The following RUNX1T1 variants were observed in gnomAD, a reference collection of about 807,000 sequenced individuals.
RUNX1T1 encodes the protein protein CBFA2T1.
A neutral mutation model predicts 62.8 loss-of-function variants in RUNX1T1; 4 were observed. The observed-to-expected ratio is 0.06, with a 90% confidence interval of 0.03 to 0.15. The LOEUF is 0.15. RUNX1T1 is among the 10% of genes least tolerant of loss of function. The pLI, the probability that RUNX1T1 is intolerant of heterozygous loss-of-function variation, is 1.00. For synonymous variants in RUNX1T1, 291 were observed against 286.0 expected, an observed-to-expected ratio of 1.02 and a Z score of -0.18; for missense variants, 508 against 754.3, an observed-to-expected ratio of 0.67 and a Z score of 3.82.
chr8:92,014,188 T>C (rs1822533838), intron 3 of RUNX1T1, among the ~76,000 whole-genome samples: 1 of 151,936 alleles, frequency 6.6e-6, no homozygotes, highest in Admixed American at 6.6e-5. Context: ...TTAGATTGAG[T>C]GACTCAACAT....
intron 1 of RUNX1T1, among the ~76,000 whole-genome samples, chr8:92,048,159 C>G (rs954050772): frequency 6.6e-6 from 1 of 152,126 alleles, no homozygotes; most frequent in East Asian, 1.9e-4. Context: ...TAAATGTAAA[C>G]ATTTACAACT....
At chr8:92,014,858 T>TA in intron 2 of RUNX1T1, 38 bp from the exon 4 acceptor site, 2 of 1,562,096 alleles carry the variant, frequency 1.3e-6, no homozygotes, top group South Asian at 2.4e-5. Flanking sequence ...GTCATAAACT[T>TA]ACAGAGAACA....
chr8:92,010,805 C>A, intron 4 of RUNX1T1, 197 bp downstream of exon 5: 1 of 454,358 alleles, frequency 2.2e-6, no homozygotes, highest in Non-Finnish European at 3.9e-6. Flanking sequence ...AACTTTACTT[C>A]TTTTCAGGTA....
intron 1 of RUNX1T1, among the ~76,000 whole-genome samples, chr8:92,098,871 G>C (rs1031288542): frequency 6.6e-6 from 1 of 152,040 alleles, no homozygotes; most frequent in Non-Finnish European, 1.5e-5. Context: ...GAGATAACCT[G>C]CTCTGTCTTA....
exon 11 of RUNX1T1, chr8:91,960,014 GAA>G: frequency 1.8e-6 from 1 of 568,676 alleles, no homozygotes; most frequent in Non-Finnish European, 3.1e-6. Flanking sequence ...GTTCTCTAAA[GAA>G]AAGATATCTT....
At chr8:91,958,347 A>G (rs1586664215), downstream of RUNX1T1, 3 of 195,856 alleles carry the variant, frequency 1.5e-5, no homozygotes, top group East Asian at 2.3e-4. Flanking sequence ...GAACATGTTT[A>G]ACCTGCTGAT....
At chr8:92,069,651 A>G (rs1345338541) in intron 2 of RUNX1T1, among the ~76,000 whole-genome samples, 1 of 152,200 alleles carries the variant, frequency 6.6e-6, no homozygotes, top group Non-Finnish European at 1.5e-5. Flanking sequence ...AGCATAGTAT[A>G]TTTGCTTTTA....
intron 5 of RUNX1T1, among the ~76,000 whole-genome samples, chr8:91,994,925 C>T (rs1001461685): frequency 3.9e-5 from 6 of 152,186 alleles, no homozygotes; most frequent in African/African-American, 1.4e-4. Context: ...AACTAAATGC[C>T]ATAGTTATGC....
At chr8:92,052,816 G>A (rs1830437082) in intron 1 of RUNX1T1, among the ~76,000 whole-genome samples, 1 of 152,084 alleles carries the variant, frequency 6.6e-6, no homozygotes, top group South Asian at 2.1e-4. Context: ...TGTTGAGAAC[G>A]TGGCTACACC....
chr8:92,005,624 T>A (rs1449355508), intron 4 of RUNX1T1: 1 of 225,712 alleles, frequency 4.4e-6, no homozygotes, highest in Non-Finnish European at 8.6e-6. Flanking sequence ...CTAGCTCCAA[T>A]CATAAGAACT....
At chr8:91,960,285 G>A in exon 11 of RUNX1T1, 2 of 1,610,296 alleles carry the variant, frequency 1.2e-6, no homozygotes, top group Non-Finnish European at 1.7e-6. Flanking sequence ...TCCCGGGGTG[G>A]TTGACCTCGG....
At chr8:92,076,574 G>T (rs955336487) in intron 1 of RUNX1T1, among the ~76,000 whole-genome samples, 2 of 152,010 alleles carry the variant, frequency 1.3e-5, no homozygotes, top group Non-Finnish European at 1.5e-5. Flanking sequence ...AAACAAAGTG[G>T]TTTGTTTCAT....
intron 4 of RUNX1T1, chr8:92,006,544 G>C (rs1412087452): frequency 6.6e-6 from 1 of 152,008 alleles, no homozygotes; most frequent in Non-Finnish European, 1.5e-5. Context: ...TCATGGACAG[G>C]AACTACGGCT....
chr8:91,976,337 GA>G (rs2130706560), intron 8 of RUNX1T1, among the ~76,000 whole-genome samples: 1 of 152,238 alleles, frequency 6.6e-6, no homozygotes, highest in South Asian at 2.1e-4. Flanking sequence ...TTCCTTTCAT[GA>G]GTCAAACTGG....
exon 10 of RUNX1T1, chr8:91,970,687 C>T (rs565820393): frequency 6.2e-7 from 1 of 1,611,346 alleles, no homozygotes; most frequent in South Asian, 1.1e-5. Context: ...TGATTGATAA[C>T]TGCCAGTGCG....
chr8:91,980,446 A>G (rs1814976238), intron 8 of RUNX1T1, among the ~76,000 whole-genome samples: 1 of 152,152 alleles, frequency 6.6e-6, no homozygotes, highest in African/African-American at 2.4e-5. Flanking sequence ...ATAGCCTTGT[A>G]TTATGAATTA....
At chr8:92,013,710 G>T (rs919949956) in intron 3 of RUNX1T1, among the ~76,000 whole-genome samples, 6 of 152,106 alleles carry the variant, frequency 3.9e-5, no homozygotes, top group Admixed American at 3.9e-4. Context: ...CGCAAAAAAA[G>T]ATATATGTTC....
intron 1 of RUNX1T1, among the ~76,000 whole-genome samples, chr8:92,086,431 A>G (rs1281609016): frequency 6.6e-6 from 1 of 152,210 alleles, no homozygotes; most frequent in Non-Finnish European, 1.5e-5. Context: ...CTCAAAGAAG[A>G]GTTTGAAATC....
At chr8:92,006,936 T>G (rs1035378887) in intron 4 of RUNX1T1, among the ~76,000 whole-genome samples, 3 of 152,134 alleles carry the variant, frequency 2.0e-5, no homozygotes, top group Non-Finnish European at 4.4e-5. Flanking sequence ...ACTAGGATAT[T>G]TGCTAAAGAT....
Sources: allele counts gnomAD v4.1 joint callset (sites outside exome capture counted in the v4.1 genomes callset), GRCh38; gene constraint gnomAD v4.1.1; transcripts MANE v1.5; gene names NCBI Gene and HGNC (gene_info 2026-07-23, HGNC 2026-07-21).